The following MED13L variants were observed in gnomAD, a reference collection of about 807,000 sequenced individuals.
MED13L encodes mediator complex subunit 13L.
Under a neutral mutation model 220.9 loss-of-function variants are expected in MED13L, and 7 were observed. The observed-to-expected ratio is 0.03, with a 90% CI of 0.02 to 0.06. The LOEUF is 0.06. Among genes scored for constraint, MED13L ranks in the 10% least tolerant of loss-of-function variants. The pLI is 1.00. For missense variants in MED13L, 1,965 were observed against 2,760.5 expected (o/e 0.71, Z 6.46); for synonymous variants, 1,011 against 1,015.2 (o/e 1.00, Z 0.08).
At position 116,061,239 on chromosome 12, in the gene MED13L, GT is replaced by G. The variant is rs1003763634; in HGVS notation, c.479+35429del. On this transcript the variant is annotated intron_variant, in intron 4 of 30. Transcript: ENST00000281928. ...TTATTTTCACAGCTAAACATTAACT[GT>G]TTTTTTTAATTCCATATTATAAAAT... is the stretch of plus-strand genomic sequence containing the variant. Among the ~76,000 whole-genome samples, 39 of 151,714 alleles carry G rather than the reference GT, an allele frequency of 2.6e-4. 1 individual carries two copies. The East Asian group carries it at 3.1e-3, about 12-fold the overall frequency.
chr12:116,061,669 T>C (rs1175758322), intron 4 of MED13L, among the ~76,000 whole-genome samples: 1 of 152,166 alleles, frequency 6.6e-6, no homozygotes, highest in Non-Finnish European at 1.5e-5. Flanking sequence ...GGAATAGATT[T>C]TAAATTTTAC....
intron 16 of MED13L, among the ~76,000 whole-genome samples, chr12:115,992,917 A>T (rs1362109495): frequency 6.6e-6 from 1 of 152,172 alleles, no homozygotes; most frequent in Non-Finnish European, 1.5e-5. Flanking sequence ...TTTTCTTGAT[A>T]TACAGTTGGC....
chr12:115,991,663 G>A lies in MED13L; in HGVS notation c.3291C>T (p.Pro1097=), dbSNP rs370017334. Residue 1097 remains proline (P), a synonymous_variant, in exon 17 of 31, where the codon CCC becomes CCT. Transcript: ENST00000281928. This position sits in a 1 kb window ranked among gnomAD's most constrained non-coding sequence, Gnocchi z 7.7. ...STTRPLNSVE[P]ATMQPIPEAH... ...CTTCGGGAATTGGCTGCATGGTGGC[G>A]GGCTCCACAGAGTTGAGGGGCCGTG... The A allele has an allele frequency of 1.2e-5, 19 of 1,613,910 alleles. No homozygotes were observed. Among genetic ancestry groups the A allele is most frequent in the Admixed American group, 3.3e-5 (2 of 60,000 alleles).
chr12:116,085,591 GA>G (rs1565869838), intron 4 of MED13L, among the ~76,000 whole-genome samples: 1 of 151,974 alleles, frequency 6.6e-6, no homozygotes. Context: ...TTTGTGCTGG[GA>G]ATTATAGATC....
chr12:116,233,645 C>T (rs1869795474), intron 2 of MED13L, among the ~76,000 whole-genome samples: 1 of 152,168 alleles, frequency 6.6e-6, no homozygotes, highest in Admixed American at 6.5e-5. Flanking sequence ...AGATTAACTG[C>T]TATATATGCT....
chr12:116,143,381 G>A (rs1877248237), intron 2 of MED13L, among the ~76,000 whole-genome samples: 1 of 151,114 alleles, frequency 6.6e-6, no homozygotes, highest in African/African-American at 2.4e-5. Context: ...ATGAATGAAT[G>A]ATTACCAGAG....
intron 4 of MED13L, among the ~76,000 whole-genome samples, chr12:116,067,163 T>C (rs987564088): frequency 1.9e-4 from 29 of 152,164 alleles, no homozygotes; most frequent in African/African-American, 5.8e-4. Context: ...ATATGAAATA[T>C]GTAAAAACTA....
intron 2 of MED13L, among the ~76,000 whole-genome samples, chr12:116,120,688 G>C (rs577073924): frequency 1.7e-4 from 25 of 151,420 alleles, no homozygotes; most frequent in Non-Finnish European, 3.5e-4. Flanking sequence ...ATCTCTCCAC[G>C]GCATGCTGTC....
chr12:116,171,728 G>A (rs999311870), intron 2 of MED13L, among the ~76,000 whole-genome samples: 5 of 152,076 alleles, frequency 3.3e-5, no homozygotes, highest in East Asian at 3.9e-4. Context: ...ACATAGCCTC[G>A]ATACCATGTT....
At chr12:116,188,980 G>T (rs1881088071) in intron 2 of MED13L, among the ~76,000 whole-genome samples, 1 of 152,150 alleles carries the variant, frequency 6.6e-6, no homozygotes, top group Admixed American at 6.5e-5. Flanking sequence ...GACCTGGGCT[G>T]TTTCCAGTTT....
intron 2 of MED13L, among the ~76,000 whole-genome samples, chr12:116,210,190 A>G (rs189843922): frequency 6.6e-6 from 1 of 152,296 alleles, no homozygotes. Flanking sequence ...TCTAATCACT[A>G]CAACAGTACA....
chr12:116,038,661 G>A (rs1881330882), intron 4 of MED13L, among the ~76,000 whole-genome samples: 1 of 135,272 alleles, frequency 7.4e-6, no homozygotes, highest in African/African-American at 2.7e-5. Context: ...CCAAAAGAGT[G>A]TAAAACAGAT....
intron 4 of MED13L, among the ~76,000 whole-genome samples, chr12:116,088,736 AGAGGGGAGGG>A (rs761867053): frequency 6.9e-6 from 1 of 144,974 alleles, no homozygotes; most frequent in East Asian, 2.2e-4. Flanking sequence ...AGAAAAGAGG[AGAGGGGAGGG>A]GAGGGGAGGG....
chr12:116,047,076 G>A (rs991618706), intron 4 of MED13L, among the ~76,000 whole-genome samples: 4 of 152,188 alleles, frequency 2.6e-5, no homozygotes, highest in African/African-American at 7.2e-5. Context: ...ATGGCCAGGC[G>A]CAGAGGCTCA....
intron 4 of MED13L, among the ~76,000 whole-genome samples, chr12:116,056,090 AG>A (rs149085026): frequency 0.02 from 3,098 of 152,210 alleles, 57 homozygotes; most frequent in Non-Finnish European, 0.033. Flanking sequence ...GGCAGCCCAA[AG>A]GTAAGTTTGT....
intron 1 of MED13L, among the ~76,000 whole-genome samples, chr12:116,244,552 TGACACAG>T (rs1175684452): frequency 6.6e-6 from 1 of 152,142 alleles, no homozygotes; most frequent in Non-Finnish European, 1.5e-5. Flanking sequence ...ACAACCCAAT[TGACACAG>T]AATCCCCTCA....
intron 4 of MED13L, among the ~76,000 whole-genome samples, chr12:116,057,040 T>A (rs1869034284): frequency 6.6e-6 from 1 of 152,190 alleles, no homozygotes; most frequent in Non-Finnish European, 1.5e-5. Flanking sequence ...AGAATAAAAA[T>A]GGTCTCTTTC....
chr12:115,973,560 A>G (rs1876731101), intron 25 of MED13L, among the ~76,000 whole-genome samples: 1 of 152,208 alleles, frequency 6.6e-6, no homozygotes, highest in Non-Finnish European at 1.5e-5. Flanking sequence ...TTTCCAAAAT[A>G]CCAAGTGACT....
At position 115,959,306 on chromosome 12, in the gene MED13L, T is replaced by G. The variant is rs1308000013; in HGVS notation, c.*1960A>C. The G allele has an allele frequency of 4.6e-5, 7 of 152,596 alleles. 1 individual carries two copies. The South Asian group carries it at 1.4e-3, about 32-fold the overall frequency. 9.5% of individuals were successfully genotyped at this position (152,596 alleles called of 1,614,324 possible). A position where few individuals can be genotyped will look rare whatever the true frequency, so the allele number is the denominator to read the frequency against. ...TTAAAGTTTTTTTGTAGGGGTTTTT[T>G]ATTTTTTGTGTTTTTTTTCTTTTTC... On this transcript the variant is annotated 3_prime_UTR_variant, in exon 31 of 31. Coordinates refer to ENST00000281928, the MANE Select transcript of MED13L (RefSeq NM_015335.5).
Sources: allele counts gnomAD v4.1 joint callset (sites outside exome capture counted in the v4.1 genomes callset), GRCh38; gene constraint gnomAD v4.1.1; non-coding constraint Gnocchi (gnomAD v3.1); transcripts MANE v1.5; gene names NCBI Gene and HGNC (gene_info 2026-07-23, HGNC 2026-07-21).